The following METTL15 variants were observed in gnomAD, a reference collection of about 807,000 sequenced individuals.
METTL15 encodes methyltransferase 15, mitochondrial 12S rRNA N4-cytidine.
A neutral mutation model predicts 38.3 loss-of-function variants in METTL15; 34 were observed. The observed-to-expected ratio is 0.89, with a 90% CI of 0.68 to 1.18. The LOEUF (loss-of-function observed/expected upper bound fraction) is 1.18, where lower values mean the gene tolerates loss of function less well. METTL15 is among the 50% of genes most tolerant of loss of function. The pLI is 0.00. For synonymous variants in METTL15, 162 were observed against 170.9 expected (o/e 0.95, Z 0.41); for missense variants, 438 against 498.4 (o/e 0.88, Z 1.15).
At chr11:28,369,437 A>C (rs541898542) in intron 5 of METTL15, among the ~76,000 whole-genome samples, 1 of 152,208 alleles carries the variant, frequency 6.6e-6, no homozygotes, top group East Asian at 1.9e-4. Flanking sequence ...ATACATCCAA[A>C]TTCAAGGAGC....
chr11:28,192,796 G>A (rs758457970), intron 3 of METTL15, among the ~76,000 whole-genome samples: 3 of 152,012 alleles, frequency 2.0e-5, no homozygotes, highest in Admixed American at 6.6e-5. Flanking sequence ...CTTTGATAAC[G>A]AAGAATTATC....
At chr11:28,505,069 A>T (rs756005796) in intron 6 of METTL15, among the ~76,000 whole-genome samples, 21 of 152,208 alleles carry the variant, frequency 1.4e-4, no homozygotes, top group Non-Finnish European at 3.1e-4. Flanking sequence ...TTCTGGCATA[A>T]AGAGCCAGGA....
chr11:28,135,208 A>G (rs183818292), intron 3 of METTL15, among the ~76,000 whole-genome samples: 1 of 152,334 alleles, frequency 6.6e-6, no homozygotes, highest in Non-Finnish European at 1.5e-5. Flanking sequence ...ACAAATCATG[A>G]TAGGACTGAG....
chr11:28,244,675 G>T (rs1189464766), intron 4 of METTL15, among the ~76,000 whole-genome samples: 3 of 152,164 alleles, frequency 2.0e-5, no homozygotes, highest in Admixed American at 2.0e-4. Context: ...AAAAGTATTA[G>T]CAAGTGTCAG....
At chr11:28,163,543 C>G (rs189969630) in intron 3 of METTL15, 2 of 397,528 alleles carry the variant, frequency 5.0e-6, no homozygotes, top group East Asian at 7.1e-5. Flanking sequence ...CTCTCTCTCT[C>G]TCTCTCTCTG....
At chr11:28,378,412 G>A (rs978916253) in intron 5 of METTL15, among the ~76,000 whole-genome samples, 4 of 152,192 alleles carry the variant, frequency 2.6e-5, no homozygotes, top group East Asian at 1.9e-4. Flanking sequence ...GGAGTGAACC[G>A]ATTTTCCAGG....
intron 6 of METTL15, among the ~76,000 whole-genome samples, chr11:28,431,970 A>G (rs537852942): frequency 6.6e-6 from 1 of 151,978 alleles, no homozygotes; most frequent in Non-Finnish European, 1.5e-5. Context: ...AGGATTCTCA[A>G]CTCTCTCCCA....
downstream of METTL15, among the ~76,000 whole-genome samples, chr11:28,531,365 A>C (rs143565658): frequency 2.9e-3 from 442 of 152,094 alleles, 5 homozygotes; most frequent in African/African-American, 0.01. Context: ...ATTTCTGCCA[A>C]TCATCCTCAT....
At chr11:28,509,998 C>T (rs781041351) in intron 6 of METTL15, among the ~76,000 whole-genome samples, 2 of 151,936 alleles carry the variant, frequency 1.3e-5, no homozygotes, top group East Asian at 3.9e-4. Flanking sequence ...TGCCCACATT[C>T]AATTTGCTTA....
intron 6 of METTL15, among the ~76,000 whole-genome samples, chr11:28,501,395 G>GA (rs202036963): frequency 0.015 from 2,213 of 152,300 alleles, 21 homozygotes; most frequent in Middle Eastern, 0.027. Flanking sequence ...AAGAAAGCAT[G>GA]AATGTAGCGC....
chr11:28,389,659 C>T (rs1452061585), intron 5 of METTL15, among the ~76,000 whole-genome samples: 1 of 151,822 alleles, frequency 6.6e-6, no homozygotes, highest in Non-Finnish European at 1.5e-5. Context: ...GGTTCCAGGT[C>T]TTTGCTATTG....
intron 6 of METTL15, among the ~76,000 whole-genome samples, chr11:28,499,022 A>G (rs1024378975): frequency 3.3e-5 from 5 of 152,322 alleles, no homozygotes; most frequent in East Asian, 1.9e-4. Flanking sequence ...ATCATGGACA[A>G]GCTATTGAAC....
intron 5 of METTL15, among the ~76,000 whole-genome samples, chr11:28,420,089 G>A (rs1850806848): frequency 6.6e-6 from 1 of 151,984 alleles, no homozygotes; most frequent in Admixed American, 6.6e-5. Flanking sequence ...CAGAGAAAGA[G>A]ACAAAGTTAG....
At chr11:28,207,433 C>G (rs867010191) in intron 3 of METTL15, among the ~76,000 whole-genome samples, 22 of 152,204 alleles carry the variant, frequency 1.4e-4, no homozygotes, top group South Asian at 2.1e-4. Context: ...ATATGTTGAA[C>G]CAGCCTTGCA....
chr11:28,380,593 C>T (rs1195940959), intron 5 of METTL15, among the ~76,000 whole-genome samples: 1 of 152,064 alleles, frequency 6.6e-6, no homozygotes, highest in African/African-American at 2.4e-5. Context: ...TTTTCTCTAG[C>T]AGCATGTTTT....
chr11:28,512,416 A>C (rs979092034), intron 6 of METTL15, among the ~76,000 whole-genome samples: 2 of 152,206 alleles, frequency 1.3e-5, no homozygotes, highest in African/African-American at 4.8e-5. Context: ...TGGGCTGCAC[A>C]GGAGCCCAAG....
chr11:28,471,916 G>C (rs1851307573), intron 6 of METTL15, among the ~76,000 whole-genome samples: 1 of 152,054 alleles, frequency 6.6e-6, no homozygotes, highest in Non-Finnish European at 1.5e-5. Flanking sequence ...ACTACTTTGA[G>C]GTGAAAGCTA....
At chr11:28,139,386 G>A (rs532418921) in intron 3 of METTL15, among the ~76,000 whole-genome samples, 70 of 152,256 alleles carry the variant, frequency 4.6e-4, no homozygotes, top group Middle Eastern at 3.4e-3. Context: ...GGGAATAACC[G>A]GGTTATGTGA....
rs1564938586 is a variant in METTL15 at position 28,464,132 on chromosome 11, T to G, written c.*424+39768T>G. On this transcript the variant is annotated intron_variant and NMD_transcript_variant, in intron 6 of 7. Transcript: ENST00000532947. ...AAGAATATAAAGTGTTTATTTCACT[T>G]CAGTTGTGGTAAGATGCAGAAAGCC... 2.6e-5 allele frequency among the ~76,000 whole-genome samples: 4 copies of G among 152,178 alleles called. No individual in the cohort carries two copies. In the South Asian group the frequency reaches 8.3e-4, roughly 31 times the overall value.
Sources: gnomAD v4.1 joint callset for allele counts (sites outside exome capture counted in the v4.1 genomes callset) on GRCh38, gnomAD v4.1.1 for gene constraint, MANE v1.5 for transcripts, NCBI Gene and HGNC (gene_info 2026-07-23, HGNC 2026-07-21) for gene names.